AUTS2: variants seen among roughly 807,000 people sequenced by gnomAD.
AUTS2 encodes the protein activator of transcription and developmental regulator AUTS2, also known as autism susceptibility gene 2 protein.
In AUTS2, 17 loss-of-function variants were observed where a neutral mutation model predicts 112.4. The ratio of observed to expected loss-of-function variants is 0.15; its 90% CI spans 0.10 to 0.23. The LOEUF is 0.23. AUTS2 is among the 10% of genes least tolerant of loss of function. AUTS2 has a pLI of 1.00. For missense variants in AUTS2, 1,510 were observed against 1,701.6 expected (o/e 0.89, Z 1.98); for synonymous variants, 751 against 702.7 (o/e 1.07, Z -1.09).
intron 4 of AUTS2, among the ~76,000 whole-genome samples, chr7:70,364,593 A>ATAAAT (rs1416182806): frequency 6.7e-6 from 1 of 149,906 alleles, no homozygotes; most frequent in Non-Finnish European, 1.5e-5. Flanking sequence ...AAATAAATAA[A>ATAAAT]TAAATAAATA....
Position 70,792,965 on chromosome 7 carries a change from A to C in AUTS2, c.*1969A>C, listed in dbSNP as rs1445981991. ...CGGGCTCTTGAAAAGAAACACCTCG[A>C]ACCCAGCCCGTGTAAGAACAGAAGG... On this transcript the variant is annotated 3_prime_UTR_variant, in exon 19 of 19. Transcript: ENST00000342771. The C allele has an allele frequency of 6.6e-6, 1 of 152,638 alleles. No individual in the cohort carries two copies. Among genetic ancestry groups the C allele is most frequent in the African/African-American group, 2.4e-5 (1 of 41,444 alleles). 9.5% of individuals were successfully genotyped at this position (152,638 alleles called of 1,614,324 possible). A position where few individuals can be genotyped will look rare whatever the true frequency, so the allele number is the denominator to read the frequency against.
intron 6 of AUTS2, among the ~76,000 whole-genome samples, chr7:70,759,916 G>A (rs1055850838): frequency 2.0e-5 from 3 of 152,172 alleles, no homozygotes; most frequent in African/African-American, 7.2e-5. Context: ...GCTGATTTTG[G>A]GAGGGAATTT....
intron 1 of AUTS2, among the ~76,000 whole-genome samples, chr7:69,881,715 C>T (rs928861147): frequency 2.0e-5 from 3 of 152,160 alleles, no homozygotes; most frequent in Non-Finnish European, 4.4e-5. Context: ...TGCCTCCCCC[C>T]ACAGCCCTGT....
In AUTS2 at chr7:70,085,301, G is replaced by A. The variant is rs531530479; in HGVS notation, c.523-32831G>A. ...AGTTTTAACTTTTACATTTATGTCT[G>A]TGATCCATTTTGAGTTAATTTTTGT... On this transcript the variant is annotated intron_variant, in intron 2 of 18. Transcript: ENST00000342771. Among the ~76,000 whole-genome samples, 7 of 151,828 alleles carry A rather than the reference G, an allele frequency of 4.6e-5. No homozygotes were observed. In the East Asian group the frequency reaches 1.4e-3, roughly 29 times the overall value.
At chr7:69,671,846 G>C (rs1796342713) in intron 1 of AUTS2, among the ~76,000 whole-genome samples, 1 of 151,278 alleles carries the variant, frequency 6.6e-6, no homozygotes, top group African/African-American at 2.4e-5. Flanking sequence ...AAAAATCTTT[G>C]AGCTGGCTTA....
intron 4 of AUTS2, among the ~76,000 whole-genome samples, chr7:70,435,537 C>T (rs1333451106): frequency 1.3e-5 from 2 of 152,202 alleles, no homozygotes; most frequent in Non-Finnish European, 2.9e-5. Flanking sequence ...ATGAAATCAA[C>T]AAAATAACTT....
intron 4 of AUTS2, among the ~76,000 whole-genome samples, chr7:70,377,363 T>TG (rs1793153129): frequency 8.6e-6 from 1 of 116,216 alleles, no homozygotes; most frequent in Non-Finnish European, 1.8e-5. Context: ...TATATATATA[T>TG]ATATATATAT....
intron 2 of AUTS2, among the ~76,000 whole-genome samples, chr7:70,066,835 T>C (rs1038721282): frequency 1.3e-5 from 2 of 152,218 alleles, no homozygotes; most frequent in Admixed American, 1.3e-4. Context: ...CCGCCACTCC[T>C]GGCCCCCAGT....
intron 2 of AUTS2, among the ~76,000 whole-genome samples, chr7:69,952,677 C>T (rs1797071783): frequency 6.6e-6 from 1 of 152,082 alleles, no homozygotes; most frequent in African/African-American, 2.4e-5. Flanking sequence ...TATACTAGGA[C>T]CTACATGAAG....
At position 69,733,048 on chromosome 7, in the gene AUTS2, TGTG is replaced by T. The variant is rs1430239475; in HGVS notation, c.309+133090_309+133092del. Among the ~76,000 whole-genome samples, 8 of 152,330 alleles carry T rather than the reference TGTG, an allele frequency of 5.3e-5. No homozygotes were observed. In the South Asian group the frequency reaches 1.0e-3, roughly 20 times the overall value. Reference sequence around the variant, plus strand: ...TTAGCAGCTTGCTTTTTGCTAATCATGTGGTGCATGGTGTGTTTTCATCTAGTC... The same window carrying T: ...TTAGCAGCTTGCTTTTTGCTAATCATGTGCATGGTGTGTTTTCATCTAGTC... On this transcript the variant is annotated intron_variant, in intron 1 of 18. Transcript: ENST00000342771.
At chr7:70,150,383 T>C (rs1442016423) in intron 4 of AUTS2, among the ~76,000 whole-genome samples, 1 of 152,118 alleles carries the variant, frequency 6.6e-6, no homozygotes. Flanking sequence ...AAGCATACAG[T>C]TCCAATTCTA....
chr7:70,223,332 C>T (rs1811583020), intron 4 of AUTS2, among the ~76,000 whole-genome samples: 1 of 152,130 alleles, frequency 6.6e-6, no homozygotes, highest in African/African-American at 2.4e-5. Flanking sequence ...CTCATACAGC[C>T]ATGTGCCGTA....
At chr7:70,316,862 C>G (rs978603162) in intron 4 of AUTS2, 1 of 152,238 alleles carries the variant, frequency 6.6e-6, no homozygotes, top group Admixed American at 6.5e-5. Context: ...AGAAGGCACA[C>G]TTGCTCGTTT....
At chr7:69,604,407 C>T (rs1031857033) in intron 1 of AUTS2, among the ~76,000 whole-genome samples, 3 of 152,144 alleles carry the variant, frequency 2.0e-5, no homozygotes, top group Non-Finnish European at 4.4e-5. Flanking sequence ...ATAAATCTAG[C>T]GTTTTGAGAA....
Position 70,781,774 on chromosome 7 carries a change from TG to T in AUTS2, c.2146+24del, listed in dbSNP as rs561670000. On this transcript the variant is annotated intron_variant, in intron 15 of 18. Coordinates refer to ENST00000342771, the MANE Select transcript of AUTS2 (RefSeq NM_015570.4). ...TGCCGCTGGTGAGTGTGGGTTTGGG[TG>T]GGGGGACAGAGCTGAGAAATGTAGT... 13 of 1,612,504 alleles carry T rather than the reference TG, an allele frequency of 8.1e-6. No individual in the cohort carries two copies. The Admixed American group carries it at 1.5e-4, about 19-fold the overall frequency.
At chr7:70,588,323 C>T (rs1802778877) in intron 5 of AUTS2, among the ~76,000 whole-genome samples, 1 of 152,186 alleles carries the variant, frequency 6.6e-6, no homozygotes, top group African/African-American at 2.4e-5. Flanking sequence ...GGACAAAAAT[C>T]AGACTCTTTC....
chr7:70,053,222 A>G (rs1217210291), intron 2 of AUTS2, among the ~76,000 whole-genome samples: 8 of 152,186 alleles, frequency 5.3e-5, no homozygotes, highest in Admixed American at 5.2e-4. Context: ...GTGCTCTTAG[A>G]TGTCCCATTC....
In AUTS2 at chr7:70,101,023, G is replaced by A. The variant is rs1344452519; in HGVS notation, c.523-17109G>A. ...CTCCCGAGTAGCTGGGACTATAGGC[G>A]CACACCACCACACCTGGCTAATTTT... On this transcript the variant is annotated intron_variant, in intron 2 of 18. Transcript: ENST00000342771. Among the ~76,000 whole-genome samples, 8 of 152,048 alleles carry A rather than the reference G, an allele frequency of 5.3e-5. No homozygotes were observed. The East Asian group carries it at 1.4e-3, about 26-fold the overall frequency.
intron 1 of AUTS2, among the ~76,000 whole-genome samples, chr7:69,777,281 A>G (rs908530726): frequency 6.6e-6 from 1 of 152,140 alleles, no homozygotes; most frequent in African/African-American, 2.4e-5. Context: ...TTTCTGATTG[A>G]ACAGTCACGT....
Sources: gnomAD v4.1 joint callset for allele counts (sites outside exome capture counted in the v4.1 genomes callset) on GRCh38, gnomAD v4.1.1 for gene constraint, MANE v1.5 for transcripts, NCBI Gene and HGNC (gene_info 2026-07-23, HGNC 2026-07-21) for gene names.